BDP1: variants seen among roughly 807,000 people sequenced by gnomAD.
BDP1 encodes the protein transcription factor TFIIIB component B'' homolog.
Under a neutral mutation model 266.6 loss-of-function variants are expected in BDP1, and 169 were observed. The observed-to-expected ratio is 0.63, with a 90% CI of 0.56 to 0.72. The LOEUF (loss-of-function observed/expected upper bound fraction) is 0.72, where lower values mean the gene tolerates loss of function less well. Ranked by LOEUF, BDP1 falls within the 30% of genes least tolerant of loss-of-function variation. The pLI, the probability that BDP1 is intolerant of heterozygous loss-of-function variation, is 0.00. For missense variants in BDP1, 3,015 were observed against 3,053.8 expected (o/e 0.99, Z 0.30); for synonymous variants, 1,090 against 1,022.4 (o/e 1.07, Z -1.26).
intron 4 of BDP1, among the ~76,000 whole-genome samples, chr5:71,464,491 T>C (rs1761773737): frequency 6.6e-6 from 1 of 151,988 alleles, no homozygotes; most frequent in Non-Finnish European, 1.5e-5. Context: ...CAAGACTTTG[T>C]CTCTTAAAAA....
chr5:71,469,425 C>G lies in BDP1; in HGVS notation c.920-970C>G, dbSNP rs111751746. On this transcript the variant is annotated intron_variant, in intron 6 of 38. Transcript: ENST00000358731. ...AAGTGCTGGTATTTACAAGCGTGAGCCACCGTGCGTGGCCTCTTGTGTATT... is the reference window on the plus strand; with the variant it reads ...AAGTGCTGGTATTTACAAGCGTGAGGCACCGTGCGTGGCCTCTTGTGTATT... Among the ~76,000 whole-genome samples, 1,161 of 152,224 alleles carry G rather than the reference C, an allele frequency of 7.6e-3. 15 individuals are homozygous for G. Among genetic ancestry groups the G allele is most frequent in the African/African-American group, 0.026 (1,069 of 41,522 alleles).
chr5:71,505,454 T>G (rs1207249627), intron 16 of BDP1, among the ~76,000 whole-genome samples: 2 of 152,250 alleles, frequency 1.3e-5, no homozygotes, highest in Non-Finnish European at 2.9e-5. Context: ...AAAACTTATG[T>G]ATAGAAACCC....
rs1433880779 is a variant in BDP1, at chr5:71,565,500, A to G, written c.*615A>G. 3 of 152,486 alleles carry G rather than the reference A, an allele frequency of 2.0e-5. No homozygotes were observed. Among genetic ancestry groups the G allele is most frequent in the Non-Finnish European group, 4.4e-5 (3 of 68,236 alleles). The allele number at this position is 152,486 out of a possible 1,614,324, so 9.4% of individuals were successfully genotyped here. A position where few individuals can be genotyped will look rare whatever the true frequency, so the allele number is the denominator to read the frequency against. ...CTTTTTTATGTTTAGATATGTTTAG[A>G]TACACAAATACTTACTATTGTGTTA... On this transcript the variant is annotated 3_prime_UTR_variant, in exon 39 of 39. Coordinates refer to ENST00000358731, the MANE Select transcript of BDP1 (RefSeq NM_018429.3).
chr5:71,517,376 C>T lies in BDP1; in HGVS notation c.4915C>T (p.His1639Tyr), dbSNP rs764792924. 2 of 1,603,298 alleles carry T rather than the reference C, an allele frequency of 1.2e-6. No homozygotes were observed. Among genetic ancestry groups the T allele is most frequent in the Non-Finnish European group, 1.7e-6 (2 of 1,177,170 alleles). ...IEVPSSAVPE[H>Y]RMYENQSQVV... is the part of the protein sequence containing the mutation. ...AGTTCCATCGTCCGCAGTTCCAGAA[C>T]ACAGAATGTATGAAAATCAAAGTCA... Residue 1639 changes from histidine to tyrosine, a missense_variant, in exon 22 of 39, where the codon CAC becomes TAC. By Grantham distance (83) the His-to-Tyr change is moderately conservative. Transcript: ENST00000358731.
chr5:71,477,002 C>G (rs1340413031), intron 7 of BDP1, among the ~76,000 whole-genome samples: 1 of 151,798 alleles, frequency 6.6e-6, no homozygotes, highest in Non-Finnish European at 1.5e-5. Context: ...TCGTGCCCGG[C>G]CCCCCCACCT....
chr5:71,540,083 A>G (rs1301139404), intron 28 of BDP1, among the ~76,000 whole-genome samples: 1 of 152,208 alleles, frequency 6.6e-6, no homozygotes, highest in Non-Finnish European at 1.5e-5. Flanking sequence ...AATAGCACTC[A>G]TTGAAATAAT....
In BDP1 at chr5:71,489,649, C is replaced by G. The variant is rs776117624; in HGVS notation, c.1459C>G (p.Gln487Glu). 1 of 1,611,908 alleles carries G rather than the reference C, an allele frequency of 6.2e-7. No individual in the cohort carries two copies. Among genetic ancestry groups the G allele is most frequent in the Admixed American group, 1.7e-5 (1 of 59,392 alleles). Residue 487 changes from glutamine (Q) to glutamate (E), a missense_variant, in exon 10 of 39, where the codon CAG (glutamine) becomes GAG (glutamate). Transcript: ENST00000358731. ...VNNLLENATV[Q>E]AGPSKGEKHK... ...CAATCTTTTAGAAAATGCCACTGTTCAGGCGGGTCCTTCTAAAGGAGAAAA... is the reference window on the plus strand; with the variant it reads ...CAATCTTTTAGAAAATGCCACTGTTGAGGCGGGTCCTTCTAAAGGAGAAAA...
intron 16 of BDP1, among the ~76,000 whole-genome samples, chr5:71,505,154 C>CT (rs1764509605): frequency 6.6e-6 from 1 of 152,020 alleles, no homozygotes. Flanking sequence ...TTACAGGTGC[C>CT]TGCCACCAAG....
chr5:71,553,393 A>T (rs925813424), intron 35 of BDP1, 73 bp downstream of exon 35: 16 of 1,020,092 alleles, frequency 1.6e-5, no homozygotes, highest in Non-Finnish European at 2.2e-5. Context: ...ATCTGTTCCT[A>T]TTTTTTCCTT....
chr5:71,551,720 C>T lies in BDP1; in HGVS notation c.6996-1396C>T, dbSNP rs186295856. On this transcript the variant is annotated intron_variant, in intron 34 of 38. Transcript: ENST00000358731. ...GGCGCCCCTCACTTCCCAGCAGGGG[C>T]GGCCGGGCAGAGGTGCCCCTCACCT... is the stretch of plus-strand genomic sequence containing the variant. Among the ~76,000 whole-genome samples the T allele has an allele frequency of 1.7e-3, 264 of 151,264 alleles. 5 individuals carry two copies. Among genetic ancestry groups the T allele is most frequent in the Admixed American group, 0.01 (157 of 15,258 alleles).
chr5:71,478,823 A>G (rs1762754789), intron 7 of BDP1, among the ~76,000 whole-genome samples: 1 of 152,090 alleles, frequency 6.6e-6, no homozygotes, highest in Admixed American at 6.6e-5. Context: ...CCACCAACAT[A>G]GTTTACCCCA....
intron 12 of BDP1, among the ~76,000 whole-genome samples, chr5:71,495,813 A>G (rs1404029218): frequency 2.0e-5 from 3 of 152,190 alleles, no homozygotes; most frequent in Non-Finnish European, 2.9e-5. Context: ...GTATGCAGAT[A>G]CTGGTTAAAT....
intron 32 of BDP1, among the ~76,000 whole-genome samples, chr5:71,547,767 G>A (rs1022811307): frequency 1.3e-5 from 2 of 152,006 alleles, no homozygotes; most frequent in Non-Finnish European, 2.9e-5. Context: ...GGCCAACATG[G>A]TGAAACTCTG....
At chr5:71,544,264 A>G in intron 30 of BDP1, 93 bp from the exon 31 acceptor site, 2 of 1,183,670 alleles carry the variant, frequency 1.7e-6, no homozygotes, top group Non-Finnish European at 1.2e-6. Context: ...GTCACTATAT[A>G]GGAATCTTCC....
chr5:71,504,797 G>C, intron 16 of BDP1, 46 bp downstream of exon 16: 1 of 1,588,334 alleles, frequency 6.3e-7, no homozygotes. Context: ...TTTGTAAAAA[G>C]TTTTAGAACT....
intron 11 of BDP1, among the ~76,000 whole-genome samples, chr5:71,492,941 T>G (rs1763679000): frequency 6.6e-6 from 1 of 152,210 alleles, no homozygotes; most frequent in Non-Finnish European, 1.5e-5. Flanking sequence ...CCTGTACCCA[T>G]TATGCAGTAA....
chr5:71,477,813 T>C (rs1472477598), intron 7 of BDP1, among the ~76,000 whole-genome samples: 19 of 151,404 alleles, frequency 1.3e-4, no homozygotes, highest in African/African-American at 4.6e-4. Context: ...AGAGATGGGG[T>C]TTTGCCATGT....
intron 9 of BDP1, among the ~76,000 whole-genome samples, chr5:71,487,539 G>A (rs143351957): frequency 1.8e-4 from 27 of 152,138 alleles, no homozygotes; most frequent in African/African-American, 6.0e-4. Context: ...CACCGTGCCC[G>A]GCCCTTTGTA....
At chr5:71,504,888 T>C in intron 16 of BDP1, 137 bp downstream of exon 16, 1 of 781,310 alleles carries the variant, frequency 1.3e-6, no homozygotes, top group Non-Finnish European at 2.1e-6. Flanking sequence ...AAAATATAAC[T>C]TCACCTTTCA....
Sources: allele counts gnomAD v4.1 joint callset (sites outside exome capture counted in the v4.1 genomes callset), GRCh38; gene constraint gnomAD v4.1.1; transcripts MANE v1.5; gene names NCBI Gene and HGNC (gene_info 2026-07-23, HGNC 2026-07-21).